Variants in CLVS1 observed in about 807,000 individuals in gnomAD.
CLVS1 encodes the protein clavesin-1.
A neutral mutation model predicts 33.1 loss-of-function variants in CLVS1; 10 were observed. That is an observed-to-expected ratio of 0.30 (90% confidence interval 0.19 to 0.51). CLVS1 has a LOEUF of 0.51. Ranked by LOEUF, CLVS1 falls within the 20% of genes least tolerant of loss-of-function variation. CLVS1 has a pLI of 0.97. For missense variants in CLVS1, 343 were observed against 433.4 expected (o/e 0.79, Z 1.85); for synonymous variants, 163 against 166.1 (o/e 0.98, Z 0.14).
At chr8:61,042,037 G>T in the CLVS1 span, among the ~76,000 whole-genome samples, 1 of 152,064 alleles carries the variant, frequency 6.6e-6, no homozygotes, top group African/African-American at 2.4e-5. Flanking sequence ...TGTTAACTTG[G>T]ACCTCCTCTG....
rs1156515272 is a variant in CLVS1, at chr8:61,500,851, A to ATTTG, written c.*1312_*1315dup. 1 of 152,160 alleles carries ATTTG rather than the reference A, an allele frequency of 6.6e-6. No homozygotes were observed. Among genetic ancestry groups the ATTTG allele is most frequent in the East Asian group, 1.9e-4 (1 of 5,206 alleles). 9.4% of individuals were successfully genotyped at this position (152,160 alleles called of 1,614,324 possible). On this transcript the variant is annotated 3_prime_UTR_variant, in exon 6 of 6. Transcript: ENST00000325897. ...TTATTTTAAATATTTGGGAGAGTTA[A>ATTTG]TTTGTTAGCTAAATAATTCAAGGGA... is the stretch of plus-strand genomic sequence containing the variant.
chr8:61,301,636 C>T (rs1810441217), intron 2 of CLVS1, among the ~76,000 whole-genome samples: 1 of 152,096 alleles, frequency 6.6e-6, no homozygotes, highest in South Asian at 2.1e-4. Context: ...GTACTATGAC[C>T]CCTCTTTTAC....
chr8:61,420,709 C>T (rs1305180810), intron 3 of CLVS1, among the ~76,000 whole-genome samples: 1 of 152,102 alleles, frequency 6.6e-6, no homozygotes, highest in Non-Finnish European at 1.5e-5. Context: ...GTGGTCACAC[C>T]TGTAATTCCA....
At chr8:61,346,277 C>T (rs1438573564) in intron 2 of CLVS1, among the ~76,000 whole-genome samples, 7 of 152,086 alleles carry the variant, frequency 4.6e-5, no homozygotes, top group Non-Finnish European at 2.9e-5. Flanking sequence ...TAGAAAAACT[C>T]CCCAGAGGTG....
intron 5 of CLVS1, among the ~76,000 whole-genome samples, chr8:61,490,713 C>A (rs1421796616): frequency 6.7e-6 from 1 of 148,654 alleles, no homozygotes; most frequent in Non-Finnish European, 1.5e-5. Flanking sequence ...AATCCCAGCA[C>A]TTTGGGAGGC....
intron 3 of CLVS1, among the ~76,000 whole-genome samples, chr8:61,415,712 C>T (rs1446119377): frequency 6.6e-6 from 1 of 152,108 alleles, no homozygotes; most frequent in Non-Finnish European, 1.5e-5. Flanking sequence ...TTCACACATG[C>T]ACAATGTTTC....
intron 5 of CLVS1, among the ~76,000 whole-genome samples, chr8:61,489,178 T>C (rs895068134): frequency 1.3e-5 from 2 of 152,208 alleles, no homozygotes; most frequent in African/African-American, 4.8e-5. Context: ...AAAACAAACA[T>C]TTTATAAATT....
intron 1 of CLVS1, among the ~76,000 whole-genome samples, chr8:61,066,253 T>C (rs1250052062): frequency 6.6e-6 from 1 of 152,228 alleles, no homozygotes; most frequent in African/African-American, 2.4e-5. Context: ...CCCAACACTT[T>C]GGGAGGCCAA....
chr8:61,012,951 AG>A, the CLVS1 span, among the ~76,000 whole-genome samples: 2 of 152,162 alleles, frequency 1.3e-5, no homozygotes, highest in Non-Finnish European at 2.9e-5. Context: ...GCAGTCACAG[AG>A]GGTGGCACTT....
the CLVS1 span, among the ~76,000 whole-genome samples, chr8:60,970,599 C>T: frequency 6.6e-6 from 1 of 152,240 alleles, no homozygotes; most frequent in South Asian, 2.1e-4. Context: ...GAAGGCATTG[C>T]ACCCATGTCT....
intron 2 of CLVS1, among the ~76,000 whole-genome samples, chr8:61,155,226 T>C (rs1806626256): frequency 6.6e-6 from 1 of 152,246 alleles, no homozygotes; most frequent in African/African-American, 2.4e-5. Flanking sequence ...TCCTAAAGGA[T>C]ACGCATAGCA....
chr8:61,466,931 G>A (rs1015812884), intron 5 of CLVS1, among the ~76,000 whole-genome samples: 3 of 152,146 alleles, frequency 2.0e-5, no homozygotes, highest in African/African-American at 7.2e-5. Flanking sequence ...TTATAGGTGT[G>A]AGCCACCGCA....
At chr8:61,069,059 C>T (rs141738880) in intron 1 of CLVS1, among the ~76,000 whole-genome samples, 6,802 of 152,190 alleles carry the variant, frequency 0.045, 504 homozygotes, top group African/African-American at 0.16. Flanking sequence ...TTCCGCCTTC[C>T]AAGTTCAAGT....
In CLVS1 at chr8:61,365,574, A is replaced by C. The variant is rs560498455; in HGVS notation, c.456-11031A>C. Among the ~76,000 whole-genome samples, 3 of 152,212 alleles carry C rather than the reference A, an allele frequency of 2.0e-5. No homozygotes were observed. The South Asian group carries it at 6.2e-4, about 32-fold the overall frequency. Reference sequence around the variant, plus strand: ...ATGTCAATTGAGTTTCATTGGAAGTAGGAGTAATGTGACCATCTTACTTAA... The same window carrying C: ...ATGTCAATTGAGTTTCATTGGAAGTCGGAGTAATGTGACCATCTTACTTAA... On this transcript the variant is annotated intron_variant, in intron 2 of 5. Coordinates refer to ENST00000325897, the MANE Select transcript of CLVS1 (RefSeq NM_173519.3).
At chr8:61,316,777 T>C (rs751088453) in intron 2 of CLVS1, among the ~76,000 whole-genome samples, 4 of 152,218 alleles carry the variant, frequency 2.6e-5, no homozygotes, top group Non-Finnish European at 4.4e-5. Context: ...AGAGCTCAGG[T>C]GCCTGTGGCT....
chr8:60,968,549 T>C, the CLVS1 span, among the ~76,000 whole-genome samples: 1 of 149,820 alleles, frequency 6.7e-6, no homozygotes. Context: ...ATAACCTGTA[T>C]GAGTTTAATC....
At chr8:61,058,103 C>T (rs529057677) in intron 1 of CLVS1, among the ~76,000 whole-genome samples, 15 of 152,304 alleles carry the variant, frequency 9.8e-5, no homozygotes, top group African/African-American at 2.6e-4. Flanking sequence ...ACCAAAGCGT[C>T]GACCTAGCTA....
intron 5 of CLVS1, among the ~76,000 whole-genome samples, chr8:61,481,767 G>T (rs1265802087): frequency 6.6e-6 from 1 of 152,234 alleles, no homozygotes; most frequent in Non-Finnish European, 1.5e-5. Flanking sequence ...TTCCACCTCT[G>T]GGGGCAGGGT....
intron 3 of CLVS1, among the ~76,000 whole-genome samples, chr8:61,416,786 C>T (rs1322405038): frequency 2.0e-5 from 3 of 152,228 alleles, no homozygotes; most frequent in Non-Finnish European, 4.4e-5. Context: ...CCAGCTGAAG[C>T]AGCTCCACTT....
Sources: allele counts gnomAD v4.1 joint callset (sites outside exome capture counted in the v4.1 genomes callset), GRCh38; gene constraint gnomAD v4.1.1; transcripts MANE v1.5; gene names NCBI Gene and HGNC (gene_info 2026-07-23, HGNC 2026-07-21).